Variants in NLRP5 observed in about 807,000 individuals in gnomAD.
NLRP5 encodes the protein NLR family pyrin domain containing 5, also known as NACHT, LRR and PYD domains-containing protein 5.
Under a neutral mutation model 113.1 loss-of-function variants are expected in NLRP5, and 93 were observed. The ratio of observed to expected loss-of-function variants is 0.82; its 90% CI spans 0.70 to 0.98. The LOEUF is 0.98. Ranked by LOEUF, NLRP5 falls within the 50% of genes least tolerant of loss-of-function variation. The pLI, the probability that NLRP5 is intolerant of heterozygous loss-of-function variation, is 0.00. For synonymous variants in NLRP5, 751 were observed against 600.7 expected (o/e 1.25, Z -3.66); for missense variants, 1,808 against 1,514.3 (o/e 1.19, Z -3.22).
At chr19:56,042,784 T>C (rs4801666) in intron 11 of NLRP5, among the ~76,000 whole-genome samples, 7,849 of 152,214 alleles carry the variant, frequency 0.052, 255 homozygotes, top group East Asian at 0.19. Context: ...CAAAGTCCAT[T>C]GTATCATTCT....
intron 14 of NLRP5, among the ~76,000 whole-genome samples, chr19:56,059,561 C>G (rs1984278971): frequency 6.6e-6 from 1 of 152,172 alleles, no homozygotes; most frequent in South Asian, 2.1e-4. Flanking sequence ...GAGATGGAGT[C>G]TCACTCTGTT....
chr19:56,035,647 A>C (rs1983282853), intron 9 of NLRP5, among the ~76,000 whole-genome samples: 1 of 152,194 alleles, frequency 6.6e-6, no homozygotes, highest in Non-Finnish European at 1.5e-5. Context: ...TCATAACTCA[A>C]CTAATGAATT....
At chr19:56,035,590 G>T (rs945581803) in intron 9 of NLRP5, among the ~76,000 whole-genome samples, 4 of 152,194 alleles carry the variant, frequency 2.6e-5, no homozygotes, top group African/African-American at 9.7e-5. Context: ...GAAAAAGCAT[G>T]AAGTCACTTA....
chr19:56,050,649 GTC>G (rs1275437538), intron 12 of NLRP5, 61 bp downstream of exon 12: 2 of 1,521,608 alleles, frequency 1.3e-6, no homozygotes, highest in Admixed American at 3.9e-5. Flanking sequence ...TTCCTGAAAG[GTC>G]AAGAGATAGG....
intron 6 of NLRP5, among the ~76,000 whole-genome samples, chr19:56,024,457 A>G (rs1383079331): frequency 5.6e-5 from 8 of 141,824 alleles, no homozygotes; most frequent in East Asian, 3.9e-4. Flanking sequence ...ATATATACGT[A>G]CATACATATA....
chr19:56,037,801 C>T (rs576396990), intron 9 of NLRP5, among the ~76,000 whole-genome samples: 10 of 151,580 alleles, frequency 6.6e-5, no homozygotes, highest in African/African-American at 1.9e-4. Flanking sequence ...ACCCGAAAGG[C>T]GACCTTCAAG....
the NLRP5 span, among the ~76,000 whole-genome samples, chr19:55,994,019 A>C: frequency 6.6e-6 from 1 of 151,834 alleles, no homozygotes; most frequent in Admixed American, 6.6e-5. Flanking sequence ...GTATTAATCT[A>C]TTTTCAGTTC....
chr19:56,009,597 G>A (rs1472658621), intron 3 of NLRP5, among the ~76,000 whole-genome samples: 2 of 152,122 alleles, frequency 1.3e-5, no homozygotes, highest in East Asian at 3.9e-4. Context: ...AAGCATACGT[G>A]TTCATGAAAT....
chr19:56,026,123 A>G (rs936097168), intron 6 of NLRP5, among the ~76,000 whole-genome samples: 1 of 152,128 alleles, frequency 6.6e-6, no homozygotes, highest in Non-Finnish European at 1.5e-5. Context: ...ACGAAGAGTG[A>G]GCATGTTCTC....
At chr19:56,006,674 G>A (rs12976168) in intron 2 of NLRP5, among the ~76,000 whole-genome samples, 1 of 152,024 alleles carries the variant, frequency 6.6e-6, no homozygotes, top group East Asian at 2.0e-4. Context: ...AGAGGTTGCA[G>A]TGAGTCAAGA....
the NLRP5 span, chr19:55,988,440 G>GTATATATATATA: frequency 9.8e-4 from 99 of 100,510 alleles, no homozygotes; most frequent in South Asian, 5.7e-3. Flanking sequence ...ATATATGTGT[G>GTATATATATATA]TGTGTATATA....
intron 13 of NLRP5, among the ~76,000 whole-genome samples, chr19:56,054,540 A>C (rs1377655743): frequency 6.8e-6 from 1 of 146,982 alleles, no homozygotes; most frequent in Non-Finnish European, 1.5e-5. Context: ...CTTGGGTGAC[A>C]GAGTGAGACT....
intron 4 of NLRP5, among the ~76,000 whole-genome samples, chr19:56,018,195 A>G (rs889328978): frequency 6.6e-6 from 1 of 152,192 alleles, no homozygotes; most frequent in Non-Finnish European, 1.5e-5. Flanking sequence ...CTTGATTCCC[A>G]TGCTTAAAAA....
rs374003064 is a variant in NLRP5, at chr19:56,010,471, G to A, written c.508+1618G>A. ...GAAAGATGTCCCTCAAAGGCTGGGC[G>A]CGGTGGCTCACGCCTGTAATCCCAG... On this transcript the variant is annotated intron_variant, in intron 3 of 14. Coordinates refer to ENST00000390649, the MANE Select transcript of NLRP5 (RefSeq NM_153447.4). 7.6e-4 allele frequency among the ~76,000 whole-genome samples: 116 copies of A among 152,168 alleles called. No homozygotes were observed. The East Asian group carries it at 0.015, about 20-fold the overall frequency.
At chr19:56,052,272 T>A (rs1384498260) in intron 12 of NLRP5, among the ~76,000 whole-genome samples, 1 of 151,980 alleles carries the variant, frequency 6.6e-6, no homozygotes, top group Non-Finnish European at 1.5e-5. Context: ...TGTTTTTGTT[T>A]CTGTTTTTGT....
chr19:55,998,085 G>A (rs1458530325), upstream of NLRP5, among the ~76,000 whole-genome samples: 1 of 152,030 alleles, frequency 6.6e-6, no homozygotes, highest in Non-Finnish European at 1.5e-5. Flanking sequence ...TTTCCTGGAG[G>A]GTAGGTAGGT....
Position 56,008,862 on chromosome 19 carries a change from G to A in NLRP5, c.508+9G>A. On this transcript the variant is annotated intron_variant, in intron 3 of 14. Transcript: ENST00000390649. The stretch of plus-strand genomic sequence containing the variant: ...CAAGGAAAAAGTGCCAGGTTAGAGG[G>A]GTGGAGTTGGGGGAAATAGGATGTG... 6.2e-7 allele frequency: 1 copy of A among 1,610,494 alleles called. No homozygotes were observed. The highest frequency in any genetic ancestry group is 8.5e-7 in the Non-Finnish European group (1 of 1,178,112).
chr19:55,987,203 C>T, the NLRP5 span, among the ~76,000 whole-genome samples: 1 of 152,096 alleles, frequency 6.6e-6, no homozygotes, highest in African/African-American at 2.4e-5. Flanking sequence ...ATCCTCATCT[C>T]TAATAAAAGT....
At chr19:55,988,680 C>T in the NLRP5 span, 1 of 151,882 alleles carries the variant, frequency 6.6e-6, no homozygotes, top group African/African-American at 2.4e-5. Context: ...TTTTTACAGC[C>T]CTGGTTCACG....
Sources: gnomAD v4.1 joint callset for allele counts (sites outside exome capture counted in the v4.1 genomes callset) on GRCh38, gnomAD v4.1.1 for gene constraint, MANE v1.5 for transcripts, NCBI Gene and HGNC (gene_info 2026-07-23, HGNC 2026-07-21) for gene names.